LRBA: variants seen among roughly 807,000 people sequenced by gnomAD.
LRBA encodes lipopolysaccharide-responsive and beige-like anchor protein.
A neutral mutation model predicts 330.0 loss-of-function variants in LRBA; 176 were observed. The observed-to-expected ratio is 0.53, with a 90% CI of 0.47 to 0.60. The LOEUF (loss-of-function observed/expected upper bound fraction) is 0.60. Ranked by LOEUF, LRBA falls within the 20% of genes least tolerant of loss-of-function variation. The pLI is 0.00. For synonymous variants in LRBA, 1,230 were observed against 1,193.0 expected, an observed-to-expected ratio of 1.03 and a Z score of -0.64; for missense variants, 3,259 against 3,444.8, an observed-to-expected ratio of 0.95 and a Z score of 1.35.
chr4:150,627,367 A>AT (rs1776963542), intron 37 of LRBA, among the ~76,000 whole-genome samples: 1 of 152,102 alleles, frequency 6.6e-6, no homozygotes, highest in African/African-American at 2.4e-5. Context: ...TAAATGACAT[A>AT]TAACAAGGCT....
chr4:150,299,793 T>C (rs939493720), intron 53 of LRBA, among the ~76,000 whole-genome samples: 1 of 152,020 alleles, frequency 6.6e-6, no homozygotes, highest in Admixed American at 6.6e-5. Context: ...CTATTTTCCC[T>C]TCAAGAAAGA....
At chr4:151,008,404 T>C (rs1744376583) in intron 2 of LRBA, among the ~76,000 whole-genome samples, 1 of 152,088 alleles carries the variant, frequency 6.6e-6, no homozygotes, top group South Asian at 2.1e-4. Flanking sequence ...TTTTATGGCA[T>C]GTAAAATACA....
chr4:150,656,009 G>GTT (rs1780153303), intron 37 of LRBA, among the ~76,000 whole-genome samples: 3 of 152,180 alleles, frequency 2.0e-5, no homozygotes, highest in African/African-American at 7.2e-5. Flanking sequence ...TTTGTGGGGA[G>GTT]GAGGTTAGAG....
chr4:150,389,911 A>ATTT (rs34355782), intron 47 of LRBA, among the ~76,000 whole-genome samples: 4 of 111,724 alleles, frequency 3.6e-5, no homozygotes, highest in African/African-American at 9.9e-5. Flanking sequence ...TTGTCTGGGT[A>ATTT]TTTTTTTTTT....
At chr4:150,369,096 A>G (rs111841913) in intron 47 of LRBA, among the ~76,000 whole-genome samples, 1,582 of 152,282 alleles carry the variant, frequency 0.01, 22 homozygotes, top group African/African-American at 0.036. Flanking sequence ...TTCCTAGTAG[A>G]TAAATAGATG....
intron 30 of LRBA, among the ~76,000 whole-genome samples, chr4:150,818,955 T>C (rs1745020586): frequency 6.6e-6 from 1 of 152,076 alleles, no homozygotes. Context: ...ATGTATACAG[T>C]AATGGTCATA....
intron 22 of LRBA, among the ~76,000 whole-genome samples, chr4:150,866,321 T>A (rs1752683471): frequency 6.6e-6 from 1 of 152,120 alleles, no homozygotes; most frequent in Non-Finnish European, 1.5e-5. Context: ...AGTTAGATAA[T>A]CCACATATTG....
At chr4:150,361,061 G>A (rs556698941) in intron 47 of LRBA, among the ~76,000 whole-genome samples, 14 of 152,136 alleles carry the variant, frequency 9.2e-5, no homozygotes, top group African/African-American at 2.6e-4. Flanking sequence ...CTTAGTATAG[G>A]GGACATAATC....
chr4:150,915,307 G>T (rs1014890450), intron 8 of LRBA, among the ~76,000 whole-genome samples: 8 of 151,994 alleles, frequency 5.3e-5, no homozygotes, highest in African/African-American at 1.9e-4. Context: ...TCAGAAAAAT[G>T]ATCAGAACCC....
intron 5 of LRBA, among the ~76,000 whole-genome samples, chr4:150,920,146 G>A (rs1733080746): frequency 6.6e-6 from 1 of 152,158 alleles, no homozygotes; most frequent in African/African-American, 2.4e-5. Context: ...TCTTTCTGCA[G>A]ATACTGCCAG....
chr4:150,275,454 G>T (rs1275175391), intron 56 of LRBA, among the ~76,000 whole-genome samples: 8 of 152,102 alleles, frequency 5.3e-5, no homozygotes, highest in African/African-American at 9.7e-5. Context: ...GAGAAAGAAA[G>T]AAAGGGTATT....
At chr4:150,929,194 A>C in intron 2 of LRBA, 129 bp from the exon 3 acceptor site, 1 of 590,040 alleles carries the variant, frequency 1.7e-6, no homozygotes, top group Non-Finnish European at 2.9e-6. Flanking sequence ...TCATTAAAAA[A>C]CATGCAGCTC....
At chr4:150,499,826 A>T (rs1217487003) in intron 40 of LRBA, among the ~76,000 whole-genome samples, 4 of 152,070 alleles carry the variant, frequency 2.6e-5, no homozygotes, top group African/African-American at 4.8e-5. Flanking sequence ...TCTCAATGCC[A>T]ATTCTTCCTT....
At chr4:150,551,979 T>C (rs1766658683) in intron 40 of LRBA, among the ~76,000 whole-genome samples, 2 of 152,086 alleles carry the variant, frequency 1.3e-5, no homozygotes. Context: ...GGTATGATTT[T>C]AGGATGAAAC....
chr4:150,763,557 T>C (rs1034659602), intron 34 of LRBA, among the ~76,000 whole-genome samples: 7 of 151,968 alleles, frequency 4.6e-5, no homozygotes, highest in Admixed American at 3.9e-4. Flanking sequence ...TGAAGACAAG[T>C]AGTCCAAAAG....
rs1487571648 is a variant in LRBA at position 150,273,248 on chromosome 4, G to A, written c.8468+4605C>T. Among the ~76,000 whole-genome samples, 4 of 152,156 alleles carry A rather than the reference G, an allele frequency of 2.6e-5. No individual in the cohort carries two copies. The East Asian group carries it at 5.8e-4, about 22-fold the overall frequency. On this transcript the variant is annotated intron_variant, in intron 56 of 56. Transcript: ENST00000651943. ...CAAAGGAGAAATAAAATCCTTTACA[G>A]ACAAGCAAGTGTTGAGACATTTAGT...
chr4:150,985,941 G>A (rs1741414804), intron 2 of LRBA, among the ~76,000 whole-genome samples: 1 of 151,998 alleles, frequency 6.6e-6, no homozygotes, highest in Non-Finnish European at 1.5e-5. Context: ...ATTTTTCCCA[G>A]TATATTTAAT....
At chr4:150,961,937 T>C (rs1738193570) in intron 2 of LRBA, among the ~76,000 whole-genome samples, 1 of 149,310 alleles carries the variant, frequency 6.7e-6, no homozygotes, top group African/African-American at 2.6e-5. Flanking sequence ...AATTATTGTA[T>C]TTTTATTTGA....
intron 36 of LRBA, among the ~76,000 whole-genome samples, chr4:150,700,960 A>G (rs933593758): frequency 6.6e-5 from 10 of 152,156 alleles, no homozygotes; most frequent in African/African-American, 9.6e-5. Flanking sequence ...AGGTCTCCCT[A>G]TGTTGCCCAA....
Sources: gnomAD v4.1 joint callset for allele counts (sites outside exome capture counted in the v4.1 genomes callset) on GRCh38, gnomAD v4.1.1 for gene constraint, MANE v1.5 for transcripts, NCBI Gene and HGNC (gene_info 2026-07-23, HGNC 2026-07-21) for gene names.